EHMT1: variants seen among roughly 807,000 people sequenced by gnomAD.
EHMT1 encodes the protein euchromatic histone lysine methyltransferase 1, also known as histone-lysine N-methyltransferase EHMT1.
EHMT1 carries 15 observed loss-of-function variants against 147.2 expected under a neutral mutation model. The observed-to-expected ratio is 0.10, with a 90% confidence interval of 0.07 to 0.16. The LOEUF is 0.16. Ranked by LOEUF, EHMT1 falls within the 10% of genes least tolerant of loss-of-function variation. The pLI, the probability that EHMT1 is intolerant of heterozygous loss-of-function variation, is 1.00. For missense variants in EHMT1, 1,587 were observed against 1,772.4 expected, an observed-to-expected ratio of 0.90 and a Z score of 1.88; for synonymous variants, 795 against 709.6, an observed-to-expected ratio of 1.12 and a Z score of -1.91.
intron 1 of EHMT1, among the ~76,000 whole-genome samples, chr9:137,669,345 A>AGCACGTGCACCCACCT (rs1564562465): frequency 1.1e-4 from 1 of 9,076 alleles, no homozygotes. Context: ...TGGACCCCAC[A>AGCACGTGCACCCACCT]CCACCCAAGA....
intron 4 of EHMT1, among the ~76,000 whole-genome samples, chr9:137,730,613 A>G (rs1270042946): frequency 6.6e-6 from 1 of 152,172 alleles, no homozygotes; most frequent in Non-Finnish European, 1.5e-5. Flanking sequence ...TTTAAGTACT[A>G]ATTTACGGAC....
chr9:137,764,295 T>A (rs1218804477), intron 10 of EHMT1: 3 of 152,386 alleles, frequency 2.0e-5, no homozygotes, highest in African/African-American at 7.2e-5. Context: ...GCGCCTCTCA[T>A]CTGTGGCACG....
At chr9:137,788,478 A>G (rs543159068) in intron 15 of EHMT1, 23 of 167,588 alleles carry the variant, frequency 1.4e-4, no homozygotes, top group Admixed American at 1.1e-3. Context: ...GTGTAGGGAG[A>G]TTGCAGGTGT....
intron 25 of EHMT1, among the ~76,000 whole-genome samples, chr9:137,822,788 G>A (rs537101593): frequency 1.3e-5 from 2 of 152,078 alleles, no homozygotes; most frequent in Non-Finnish European, 2.9e-5. Context: ...AGTTACTCGG[G>A]AGGCTGAGGC....
intron 1 of EHMT1, among the ~76,000 whole-genome samples, chr9:137,685,955 T>TCAGA (rs144404470): frequency 6.6e-6 from 1 of 152,162 alleles, no homozygotes. Context: ...ATTTAGTCAG[T>TCAGA]CAGTCAGTCA....
chr9:137,639,326 A>G (rs1289745750), intron 1 of EHMT1, among the ~76,000 whole-genome samples: 1 of 152,172 alleles, frequency 6.6e-6, no homozygotes. Flanking sequence ...AATGTTCCCT[A>G]TATGTCAGAT....
intron 25 of EHMT1, among the ~76,000 whole-genome samples, chr9:137,825,201 C>A (rs1464971136): frequency 6.6e-6 from 1 of 152,196 alleles, no homozygotes; most frequent in East Asian, 1.9e-4. Context: ...ACGCTGCCTT[C>A]CTCACATTCT....
At chr9:137,801,773 C>T (rs1953511511) in intron 18 of EHMT1, among the ~76,000 whole-genome samples, 1 of 152,108 alleles carries the variant, frequency 6.6e-6, no homozygotes, top group African/African-American at 2.4e-5. Context: ...GCTGGGATTA[C>T]AGGTGTGAGC....
chr9:137,814,129 C>G (rs1954736021), intron 21 of EHMT1: 1 of 395,932 alleles, frequency 2.5e-6, no homozygotes. Flanking sequence ...CATCGAGCAT[C>G]TGGCCACAAA....
intron 1 of EHMT1, among the ~76,000 whole-genome samples, chr9:137,636,197 G>A (rs1274244950): frequency 1.3e-5 from 2 of 152,266 alleles, no homozygotes; most frequent in East Asian, 3.9e-4. Context: ...TGGGATTATA[G>A]GCGTGAGCCA....
At chr9:137,673,859 C>T (rs1298144008) in intron 1 of EHMT1, among the ~76,000 whole-genome samples, 1 of 152,178 alleles carries the variant, frequency 6.6e-6, no homozygotes, top group Non-Finnish European at 1.5e-5. Context: ...CTGTATGTGT[C>T]AACATATTAC....
At chr9:137,641,076 C>T (rs1844453135) in intron 1 of EHMT1, 2 of 250,564 alleles carry the variant, frequency 8.0e-6, no homozygotes, top group South Asian at 9.5e-5. Flanking sequence ...TCTTCTCCTT[C>T]TTTATCATCC....
intron 1 of EHMT1, among the ~76,000 whole-genome samples, chr9:137,689,950 C>G (rs1451835294): frequency 6.6e-6 from 1 of 152,168 alleles, no homozygotes; most frequent in African/African-American, 2.4e-5. Context: ...GAACTCTGGT[C>G]AGTCGTGGTG....
At chr9:137,730,903 C>A (rs1947053575) in intron 4 of EHMT1, among the ~76,000 whole-genome samples, 1 of 152,228 alleles carries the variant, frequency 6.6e-6, no homozygotes, top group African/African-American at 2.4e-5. Context: ...CATCAACTTA[C>A]CAACTTTTTT....
intron 2 of EHMT1, chr9:137,715,553 G>A (rs1333888071): frequency 5.1e-6 from 5 of 985,300 alleles, no homozygotes; most frequent in East Asian, 1.1e-4. Flanking sequence ...GGCACTGGGC[G>A]GTGGCATCTC....
intron 10 of EHMT1, among the ~76,000 whole-genome samples, chr9:137,765,828 T>C (rs1950183086): frequency 6.6e-6 from 1 of 152,076 alleles, no homozygotes. Context: ...TCCTTCAATT[T>C]CTATATTGTT....
intron 8 of EHMT1, among the ~76,000 whole-genome samples, chr9:137,755,477 C>T (rs1032280108): frequency 4.6e-5 from 7 of 152,208 alleles, no homozygotes; most frequent in East Asian, 1.9e-4. Flanking sequence ...TCCATTCATC[C>T]GTCCATGGGC....
chr9:137,656,933 G>T (rs982815429), intron 1 of EHMT1, among the ~76,000 whole-genome samples: 3 of 151,950 alleles, frequency 2.0e-5, no homozygotes, highest in Non-Finnish European at 4.4e-5. Flanking sequence ...TAGAGACAGG[G>T]TTTCACCATT....
chr9:137,796,636 G>A (rs1378511190), intron 16 of EHMT1, among the ~76,000 whole-genome samples: 1 of 144,590 alleles, frequency 6.9e-6, no homozygotes, highest in Non-Finnish European at 1.5e-5. Flanking sequence ...CCTGGGAGGC[G>A]GCATTGGCAG....
Sources: allele counts gnomAD v4.1 joint callset (sites outside exome capture counted in the v4.1 genomes callset), GRCh38; gene constraint gnomAD v4.1.1; transcripts MANE v1.5; gene names NCBI Gene and HGNC (gene_info 2026-07-23, HGNC 2026-07-21).